Variants in TRIM33 observed in about 807,000 individuals in gnomAD.
TRIM33 encodes the protein tripartite motif containing 33, also known as E3 ubiquitin-protein ligase TRIM33.
In TRIM33, 20 loss-of-function variants were observed where a neutral mutation model predicts 125.4. The ratio of observed to expected loss-of-function variants is 0.16; its 90% confidence interval spans 0.11 to 0.23. The LOEUF (loss-of-function observed/expected upper bound fraction) is 0.23. Ranked by LOEUF, TRIM33 falls within the 10% of genes least tolerant of loss-of-function variation. TRIM33 has a pLI of 1.00. For missense variants in TRIM33, 920 were observed against 1,411.4 expected (o/e 0.65, Z 5.58); for synonymous variants, 564 against 513.9 (o/e 1.10, Z -1.32).
At position 114,425,455 on chromosome 1, in the gene TRIM33, T is replaced by C. The variant is rs34145889; in HGVS notation, c.1689A>G (p.Gln563=). Residue 563 remains glutamine (Q), a synonymous_variant, in exon 9 of 20, where the codon CAA becomes CAG. Coordinates refer to ENST00000358465, the MANE Select transcript of TRIM33 (RefSeq NM_015906.4). ...GTAGTAACACGATACTTACCTGTTG[T>C]TGTAACATCTGAGGGGCTGCTTGTC... The part of the protein sequence containing the change: ...HPRQAAPQML[Q]QQPPRLISVQ... The C allele has an allele frequency of 1.4e-4, 224 of 1,613,756 alleles. 1 individual carries two copies. The highest frequency in any genetic ancestry group is 1.9e-4 in the Non-Finnish European group (222 of 1,179,850).
chr1:114,426,290 G>C (rs1337251279), intron 8 of TRIM33, among the ~76,000 whole-genome samples: 1 of 152,136 alleles, frequency 6.6e-6, no homozygotes, highest in Non-Finnish European at 1.5e-5. Context: ...CAGGTTGACA[G>C]GCTTTCCCTG....
rs559745942 is a variant in TRIM33, at chr1:114,504,164, T to A, written c.526+6387A>T. On this transcript the variant is annotated intron_variant, in intron 1 of 19. Transcript: ENST00000358465. ...CCATTATCCTTTTTTTTTATTTTTT[T>A]ATTTTTTTTATTTTTTTAAAGACAG... 1.2e-4 allele frequency among the ~76,000 whole-genome samples: 18 copies of A among 151,566 alleles called. No individual in the cohort carries two copies. The East Asian group carries it at 3.3e-3, about 28-fold the overall frequency.
intron 3 of TRIM33, 21 bp from the exon 4 acceptor site, chr1:114,463,257 T>C (rs372484004): frequency 9.5e-6 from 15 of 1,575,724 alleles, no homozygotes; most frequent in African/African-American, 2.8e-5. Context: ...ATAAAACAAA[T>C]ATTTTTTAAC....
chr1:114,507,388 G>T (rs573375691), intron 1 of TRIM33, among the ~76,000 whole-genome samples: 1 of 152,188 alleles, frequency 6.6e-6, no homozygotes, highest in African/African-American at 2.4e-5. Flanking sequence ...CAGCCAGAGG[G>T]TGTGAATAAA....
At chr1:114,485,258 C>T (rs1161066559) in intron 1 of TRIM33, among the ~76,000 whole-genome samples, 1 of 151,060 alleles carries the variant, frequency 6.6e-6, no homozygotes, top group Admixed American at 6.6e-5. Flanking sequence ...TAAATAAAGG[C>T]GACTTTAATT....
chr1:114,410,319 G>A lies in TRIM33; in HGVS notation c.2062-3C>T. The A allele has an allele frequency of 6.2e-7, 1 of 1,603,786 alleles. No individual in the cohort carries two copies. The highest frequency in any genetic ancestry group is 1.1e-5 in the South Asian group (1 of 89,506). On this transcript the variant is annotated splice_polypyrimidine_tract_variant and splice_region_variant and intron_variant, in intron 11 of 19. Coordinates refer to ENST00000358465, the MANE Select transcript of TRIM33 (RefSeq NM_015906.4). ...CTACTTGAGCCAGCATCTTCCAACT[G>A]AAGAGAAAGAAGATAAAGACAAATT... is the stretch of plus-strand genomic sequence containing the variant.
At chr1:114,494,718 T>A (rs1018478326) in intron 1 of TRIM33, among the ~76,000 whole-genome samples, 9 of 152,316 alleles carry the variant, frequency 5.9e-5, no homozygotes, top group Non-Finnish European at 8.8e-5. Flanking sequence ...ACTTTACCGG[T>A]TCTCACAGAT....
chr1:114,405,502 G>C lies in TRIM33; in HGVS notation c.2676C>G (p.Val892=). The C allele has an allele frequency of 1.9e-6, 3 of 1,614,222 alleles. No homozygotes were observed. Among genetic ancestry groups the C allele is most frequent in the Non-Finnish European group, 1.7e-6 (2 of 1,180,028 alleles). Residue 892 remains valine, a synonymous_variant, in exon 15 of 20, where the codon GTC becomes GTG. Transcript: ENST00000358465. ...DDDPNEDWCA[V]CQNGGDLLCC... ...ACAAGAGATCTCCTCCGTTTTGGCA[G>C]ACAGCACACCAGTCTTCATTTGGGT...
At chr1:114,461,564 T>A (rs893337382) in intron 4 of TRIM33, among the ~76,000 whole-genome samples, 1 of 151,948 alleles carries the variant, frequency 6.6e-6, no homozygotes, top group East Asian at 1.9e-4. Context: ...AAAAAACATT[T>A]TTTTTAAATT....
Position 114,402,858 on chromosome 1 carries a change from T to C in TRIM33, c.2794A>G (p.Arg932Gly). The change falls in exon 16 of 20, where the codon AGA becomes GGA. Residue 932 changes from arginine (R) to glycine (G), a missense_variant. By Grantham distance (125) the Arg-to-Gly change is moderately radical. Around this residue, in one of 8 missense-constraint regions of TRIM33, gnomAD observed 122 missense variants for 236.8 expected, o/e 0.52. Transcript: ENST00000358465. ...TCAACTTCTGGCTTTCCAATATCTC[T>C]ACAAAATGTGCATATCCAGTCCCCA... is the stretch of plus-strand genomic sequence containing the variant. ...PSGDWICTFC[R>G]DIGKPEVEYD... is the part of the protein sequence containing the mutation. 1 of 1,613,942 alleles carries C rather than the reference T, an allele frequency of 6.2e-7. No homozygotes were observed. The highest frequency in any genetic ancestry group is 8.5e-7 in the Non-Finnish European group (1 of 1,179,888).
At chr1:114,407,690 T>C (rs1475063160) in intron 13 of TRIM33, among the ~76,000 whole-genome samples, 1 of 152,170 alleles carries the variant, frequency 6.6e-6, no homozygotes, top group Non-Finnish European at 1.5e-5. Context: ...TCAATATACA[T>C]ACATACAGAC....
chr1:114,507,238 C>T (rs1653054472), intron 1 of TRIM33, among the ~76,000 whole-genome samples: 1 of 152,178 alleles, frequency 6.6e-6, no homozygotes, highest in Admixed American at 6.6e-5. Context: ...TCAGAATCAC[C>T]TGGAGAGCTT....
At chr1:114,503,621 T>A (rs1234070062) in intron 1 of TRIM33, among the ~76,000 whole-genome samples, 1 of 152,186 alleles carries the variant, frequency 6.6e-6, no homozygotes, top group Non-Finnish European at 1.5e-5. Flanking sequence ...ATCAAAAAAA[T>A]TCACGTTCAT....
intron 4 of TRIM33, among the ~76,000 whole-genome samples, chr1:114,459,318 T>C (rs1649810355): frequency 6.6e-6 from 1 of 151,964 alleles, no homozygotes; most frequent in Admixed American, 6.6e-5. Context: ...ATAATGAATC[T>C]CCATAAAAAC....
chr1:114,510,505 C>A (rs751764070), intron 1 of TRIM33, 46 bp downstream of exon 1: 27 of 1,441,258 alleles, frequency 1.9e-5, no homozygotes, highest in Admixed American at 2.5e-5. Flanking sequence ...TCTAGGGTTG[C>A]GCAAATCCCT....
chr1:114,495,661 A>G (rs899593101), intron 1 of TRIM33, among the ~76,000 whole-genome samples: 12 of 152,216 alleles, frequency 7.9e-5, no homozygotes, highest in Non-Finnish European at 1.3e-4. Flanking sequence ...CTTTGAAAGC[A>G]TTCAACATAA....
chr1:114,482,315 C>G (rs1467186254), intron 1 of TRIM33, among the ~76,000 whole-genome samples: 1 of 152,118 alleles, frequency 6.6e-6, no homozygotes, highest in East Asian at 1.9e-4. Context: ...ACATGCCCCT[C>G]ATTAAGCTCG....
intron 7 of TRIM33, 111 bp downstream of exon 7, chr1:114,427,637 T>C: frequency 9.1e-7 from 1 of 1,094,212 alleles, no homozygotes; most frequent in Non-Finnish European, 1.3e-6. Flanking sequence ...CTTGATGTGG[T>C]GGTGGTTACA....
At chr1:114,458,587 A>C (rs1327318609) in intron 4 of TRIM33, among the ~76,000 whole-genome samples, 1 of 152,140 alleles carries the variant, frequency 6.6e-6, no homozygotes, top group Non-Finnish European at 1.5e-5. Context: ...CTGCCCACCA[A>C]ACTATCCTTT....
Sources: allele counts gnomAD v4.1 joint callset (sites outside exome capture counted in the v4.1 genomes callset), GRCh38; gene constraint gnomAD v4.1.1; regional missense constraint gnomAD v4.1.1; transcripts MANE v1.5; gene names NCBI Gene and HGNC (gene_info 2026-07-23, HGNC 2026-07-21).